The following TEAD1 variants were observed in gnomAD, a reference collection of about 807,000 sequenced individuals.
TEAD1 encodes the protein TEA domain transcription factor 1.
TEAD1 carries 9 observed loss-of-function variants against 54.9 expected under a neutral mutation model. The ratio of observed to expected loss-of-function variants is 0.16; its 90% confidence interval spans 0.10 to 0.29. The LOEUF (loss-of-function observed/expected upper bound fraction) is 0.29, where lower values mean the gene tolerates loss of function less well. TEAD1 is among the 10% of genes least tolerant of loss of function. The pLI is 1.00. For missense variants in TEAD1, 387 were observed against 535.9 expected, an observed-to-expected ratio of 0.72 and a Z score of 2.74; for synonymous variants, 200 against 187.8, an observed-to-expected ratio of 1.07 and a Z score of -0.53.
At chr11:12,873,675 C>G (rs946704017) in intron 5 of TEAD1, among the ~76,000 whole-genome samples, 1 of 152,092 alleles carries the variant, frequency 6.6e-6, no homozygotes, top group Non-Finnish European at 1.5e-5. Context: ...TTACTCCTGC[C>G]TTTTCTAATG....
chr11:12,862,572 C>A (rs953791181), intron 4 of TEAD1, among the ~76,000 whole-genome samples: 1 of 152,158 alleles, frequency 6.6e-6, no homozygotes. Flanking sequence ...ATGAACCGCT[C>A]CTGTACTGTA....
chr11:12,881,250 G>A (rs1048564119), intron 7 of TEAD1, among the ~76,000 whole-genome samples, 199 bp downstream of exon 7: 1 of 152,154 alleles, frequency 6.6e-6, no homozygotes, highest in Non-Finnish European at 1.5e-5. Context: ...TGGGAGAGGT[G>A]GAAGCACCCC....
chr11:12,904,439 T>C (rs930033747), intron 10 of TEAD1, among the ~76,000 whole-genome samples: 5 of 152,170 alleles, frequency 3.3e-5, no homozygotes, highest in East Asian at 1.9e-4. Context: ...TAATTTGATA[T>C]TGTGTTAGAG....
intron 3 of TEAD1, among the ~76,000 whole-genome samples, chr11:12,861,910 T>C (rs898775634): frequency 1.1e-4 from 17 of 151,118 alleles, no homozygotes; most frequent in Middle Eastern, 3.5e-3. Context: ...CACTTGAACC[T>C]GGGAGGCAGA....
intron 3 of TEAD1, among the ~76,000 whole-genome samples, chr11:12,826,458 A>G (rs1322354987): frequency 6.6e-6 from 1 of 152,194 alleles, no homozygotes; most frequent in Non-Finnish European, 1.5e-5. Flanking sequence ...TTTGTCCTGC[A>G]AATAAAACAG....
At chr11:12,787,538 C>T (rs1017701260) in intron 3 of TEAD1, among the ~76,000 whole-genome samples, 12 of 152,054 alleles carry the variant, frequency 7.9e-5, no homozygotes, top group Admixed American at 2.0e-4. Flanking sequence ...AGTTGTTTTT[C>T]GTTGCACAGA....
Position 12,944,258 on chromosome 11 carries a change from A to G in TEAD1, c.*7036A>G, listed in dbSNP as rs925931555. The G allele has an allele frequency of 6.6e-6, 1 of 152,510 alleles. No individual in the cohort carries two copies. The highest frequency in any genetic ancestry group is 2.4e-5 in the African/African-American group (1 of 41,396). The allele number at this position is 152,510 out of a possible 1,614,324, so 9.4% of individuals were successfully genotyped here. ...TGGGGGTGGGCGTGGGCAAATTCTC[A>G]CACATGTTTTCTTAACCTATTTGCA... On this transcript the variant is annotated 3_prime_UTR_variant, in exon 13 of 13. Coordinates refer to ENST00000527636, the MANE Select transcript of TEAD1 (RefSeq NM_021961.6).
At chr11:12,746,158 C>A (rs1246188997) in intron 2 of TEAD1, among the ~76,000 whole-genome samples, 1 of 152,208 alleles carries the variant, frequency 6.6e-6, no homozygotes, top group East Asian at 1.9e-4. Flanking sequence ...GGCCAGAGCA[C>A]ATCAAGCTAG....
intron 2 of TEAD1, among the ~76,000 whole-genome samples, chr11:12,744,869 T>TC (rs1564925788): frequency 6.6e-6 from 1 of 152,092 alleles, no homozygotes; most frequent in Admixed American, 6.5e-5. Flanking sequence ...GGCACCTGGC[T>TC]CCCCCAGGCT....
chr11:12,856,032 T>G (rs1947369859), intron 3 of TEAD1, among the ~76,000 whole-genome samples: 1 of 152,012 alleles, frequency 6.6e-6, no homozygotes, highest in African/African-American at 2.4e-5. Context: ...GAGAAATTTC[T>G]TTGTAAACCA....
chr11:12,931,829 C>T (rs1949016601), intron 12 of TEAD1, among the ~76,000 whole-genome samples: 1 of 152,126 alleles, frequency 6.6e-6, no homozygotes, highest in Non-Finnish European at 1.5e-5. Flanking sequence ...ATATTAGATT[C>T]ATCCAGGAAG....
At chr11:12,866,302 G>A (rs902624704) in intron 5 of TEAD1, among the ~76,000 whole-genome samples, 3 of 152,182 alleles carry the variant, frequency 2.0e-5, no homozygotes, top group African/African-American at 7.2e-5. Context: ...AGATAACAAT[G>A]TTGTTTCCAT....
intron 2 of TEAD1, among the ~76,000 whole-genome samples, chr11:12,691,758 G>C (rs1943462413): frequency 6.6e-6 from 1 of 152,068 alleles, no homozygotes; most frequent in African/African-American, 2.4e-5. Context: ...TCTATTCCTT[G>C]TATACATAAC....
rs149284880 is a variant in TEAD1, at chr11:12,693,979, G to C, written c.-55+18418G>C. On this transcript the variant is annotated intron_variant, in intron 2 of 12. Transcript: ENST00000527636. ...AGCGGTAGGAAGATGTATGTCTGAG[G>C]AACAAAGGCACTTGAGTCAATTTAC... Among the ~76,000 whole-genome samples the C allele has an allele frequency of 2.6e-3, 394 of 152,290 alleles. 3 individuals are homozygous for C. The highest frequency in any genetic ancestry group is 9.0e-3 in the African/African-American group (373 of 41,534).
intron 11 of TEAD1, among the ~76,000 whole-genome samples, chr11:12,925,980 T>C (rs1428893159): frequency 6.6e-6 from 1 of 152,198 alleles, no homozygotes; most frequent in African/African-American, 2.4e-5. Flanking sequence ...CCTTCCTCCC[T>C]TTAAAAAGAT....
rs1288048464 is a variant in TEAD1 at position 12,850,715 on chromosome 11, T to A, written c.203-11535T>A. ...GATTCTTCATTATAAACTAGCGGTG[T>A]TTAGCACTTCAAATGTGTGGATTTC... On this transcript the variant is annotated intron_variant, in intron 3 of 12. Transcript: ENST00000527636. Among the ~76,000 whole-genome samples, 10 of 152,308 alleles carry A rather than the reference T, an allele frequency of 6.6e-5. No homozygotes were observed. The East Asian group carries it at 1.7e-3, about 26-fold the overall frequency.
chr11:12,758,595 T>C (rs1351457861), intron 2 of TEAD1, among the ~76,000 whole-genome samples: 1 of 152,040 alleles, frequency 6.6e-6, no homozygotes, highest in Non-Finnish European at 1.5e-5. Context: ...TTTGTGTTTT[T>C]AGTAGAGACG....
At chr11:12,743,133 A>G (rs1944679061) in intron 2 of TEAD1, among the ~76,000 whole-genome samples, 2 of 152,226 alleles carry the variant, frequency 1.3e-5, no homozygotes, top group Admixed American at 6.5e-5. Context: ...AGACAAAAAC[A>G]TTTAGAAGAA....
intron 5 of TEAD1, among the ~76,000 whole-genome samples, chr11:12,873,052 A>G (rs538156082): frequency 6.6e-6 from 1 of 152,340 alleles, no homozygotes; most frequent in Admixed American, 6.5e-5. Flanking sequence ...AGCTCTTTGC[A>G]GGATGTTCTT....
Sources: gnomAD v4.1 joint callset for allele counts (sites outside exome capture counted in the v4.1 genomes callset) on GRCh38, gnomAD v4.1.1 for gene constraint, MANE v1.5 for transcripts, NCBI Gene and HGNC (gene_info 2026-07-23, HGNC 2026-07-21) for gene names.